The following C16orf92 variants were observed in gnomAD, a reference collection of about 807,000 sequenced individuals.
C16orf92 encodes fertilization-influencing membrane protein.
In C16orf92, 14 loss-of-function variants were observed where a neutral mutation model predicts 13.7. The observed-to-expected ratio is 1.02, with a 90% CI of 0.67 to 1.60. The LOEUF is 1.60. Ranked by LOEUF, C16orf92 falls within the 40% of genes most tolerant of loss-of-function variation. C16orf92 has a pLI of 0.00. For missense variants in C16orf92, 116 were observed against 139.0 expected (o/e 0.83, Z 0.83); for synonymous variants, 50 against 57.4 (o/e 0.87, Z 0.58).
In C16orf92 at chr16:30,023,751, C is replaced by A. The variant is rs113595171; in HGVS notation, c.89C>A (p.Ala30Glu). The A allele has an allele frequency of 1.2e-3, 1,988 of 1,613,984 alleles. 21 individuals are homozygous for A. The African/African-American group carries it at 0.024, about 19-fold the overall frequency. ...GCACCCAGACCCAAGCGTGCCACGG[C>A]GTCAGCCCTGGGGACAGAGTCTCCG... The part of the protein sequence containing the change: ...ETAPRPKRAT[A>E]SALGTESPRF... Residue 30 changes from alanine (A) to glutamate (E), a missense_variant, in exon 2 of 4, where the codon GCG becomes GAG. Ala to Glu is a moderately radical substitution (Grantham distance 107). Transcript: ENST00000681219.
In C16orf92 at chr16:30,023,872, G is replaced by T; in HGVS notation, c.210G>T (p.Val70=). The change falls in exon 2 of 4, where the codon GTG becomes GTT. Residue 70 remains valine (V), a synonymous_variant. Transcript: ENST00000681219. The part of the protein sequence containing the change: ...VAQFIGEKPI[V]FINSGSSPGL... ...AGTTTATTGGAGAGAAACCCATCGT[G>T]TTCATTAACTCAGGTATGAACCAGC... 6.2e-7 allele frequency: 1 copy of T among 1,613,120 alleles called. No homozygotes were observed. The highest frequency in any genetic ancestry group is 8.5e-7 in the Non-Finnish European group (1 of 1,179,078).
downstream of C16orf92, chr16:30,026,819 C>G (rs748443806): frequency 4.3e-5 from 69 of 1,613,868 alleles, 1 homozygote; most frequent in Non-Finnish European, 5.3e-5. Flanking sequence ...CAGCAAATTG[C>G]GTGTAGGCAG....
chr16:30,025,152 G>C, downstream of C16orf92: 1 of 1,336,492 alleles, frequency 7.5e-7, no homozygotes, highest in South Asian at 1.5e-5. This position sits in a 1 kb window ranked among gnomAD's most constrained non-coding sequence, Gnocchi z 4.1. Flanking sequence ...GGGGGTGGGG[G>C]TGGGGAGGGG....
At chr16:30,027,034 C>T (rs2071174808), downstream of C16orf92, 4 of 687,330 alleles carry the variant, frequency 5.8e-6, no homozygotes, top group Non-Finnish European at 1.1e-5. Flanking sequence ...AGAGATGGTG[C>T]TGGGATTCAA....
Position 30,024,608 on chromosome 16 carries a change from C to T in C16orf92, c.*381C>T. 1 of 282,492 alleles carries T rather than the reference C, an allele frequency of 3.5e-6. No homozygotes were observed. Among genetic ancestry groups the T allele is most frequent in the South Asian group, 8.3e-5 (1 of 12,040 alleles). The allele number at this position is 282,492 out of a possible 1,614,324, so 17.5% of individuals were successfully genotyped here. On this transcript the variant is annotated 3_prime_UTR_variant, in exon 4 of 4. Transcript: ENST00000681219. The stretch of plus-strand genomic sequence containing the variant: ...CCTCGCCTGCCCCCGGGGTTGTCAG[C>T]ACTGGGAAGGCTTGGGGGTAGCAGC...
downstream of C16orf92, chr16:30,025,014 C>T (rs2071039218): frequency 1.8e-6 from 1 of 550,634 alleles, no homozygotes; most frequent in Non-Finnish European, 3.1e-6. The surrounding 1 kb of genome is among the most constrained non-coding windows in gnomAD (Gnocchi z 4.1). Flanking sequence ...GGTCCCCTCT[C>T]TCCACCCCCT....
At chr16:30,026,536 G>T, downstream of C16orf92, 1 of 1,356,140 alleles carries the variant, frequency 7.4e-7, no homozygotes, top group Non-Finnish European at 1.0e-6. Context: ...GGGCTTCCCA[G>T]GCTCCTGCCA....
Position 30,024,269 on chromosome 16 carries a change from C to T in C16orf92, c.*42C>T. 3.7e-6 allele frequency: 6 copies of T among 1,602,362 alleles called. No individual in the cohort carries two copies. Among genetic ancestry groups the T allele is most frequent in the Non-Finnish European group, 5.1e-6 (6 of 1,169,978 alleles). ...TCTGGACTCAACCTGAGCACCCACA[C>T]CCACCTCCTCTCCTGTTGATGAGCA... is the stretch of plus-strand genomic sequence containing the variant. On this transcript the variant is annotated 3_prime_UTR_variant, in exon 4 of 4. Coordinates refer to ENST00000681219, the MANE Select transcript of C16orf92 (RefSeq NM_001109659.2).
At chr16:30,023,657 CAGCTTCCGCCTCG>C in intron 1 of C16orf92, 57 bp from the exon 2 acceptor site, 1 of 1,613,638 alleles carries the variant, frequency 6.2e-7, no homozygotes, top group East Asian at 2.2e-5. Flanking sequence ...GGTCCCAAGT[CAGCTTCCGCCTCG>C]AGAGATAAAG....
chr16:30,027,249 G>A, downstream of C16orf92: 1 of 446,936 alleles, frequency 2.2e-6, no homozygotes, highest in Non-Finnish European at 4.5e-6. Flanking sequence ...GGGCGAGAGT[G>A]CTGGAGAGAG....
downstream of C16orf92, among the ~76,000 whole-genome samples, chr16:30,027,359 G>A (rs1437864823): frequency 1.3e-5 from 2 of 152,218 alleles, no homozygotes; most frequent in Non-Finnish European, 1.5e-5. Flanking sequence ...CCCTGTAAAA[G>A]GTAGGTGTGG....
rs1399762864 is a variant in C16orf92 at position 30,023,869 on chromosome 16, C to T, written c.207C>T (p.Ile69=). Residue 69 remains isoleucine (I), a synonymous_variant, in exon 2 of 4, where the codon ATC becomes ATT. Transcript: ENST00000681219. ...AVAQFIGEKP[I]VFINSGSSPG... ...CCCAGTTTATTGGAGAGAAACCCAT[C>T]GTGTTCATTAACTCAGGTATGAACC... The T allele has an allele frequency of 3.7e-6, 6 of 1,613,154 alleles. No individual in the cohort carries two copies. The highest frequency in any genetic ancestry group is 2.2e-5 in the East Asian group (1 of 44,890).
chr16:30,027,061 C>T, downstream of C16orf92: 2 of 667,446 alleles, frequency 3.0e-6, no homozygotes, highest in Non-Finnish European at 5.5e-6. Context: ...GGTCTCAGAA[C>T]TCACCCATGT....
chr16:30,025,371 A>G (rs1203507613), downstream of C16orf92: 3 of 1,606,914 alleles, frequency 1.9e-6, no homozygotes, highest in Non-Finnish European at 2.5e-6. The surrounding 1 kb of genome is among the most constrained non-coding windows in gnomAD (Gnocchi z 4.1). Context: ...CCGTAGGCCC[A>G]GTACAGGTAG....
In C16orf92 at chr16:30,023,246, T is replaced by TCC; in HGVS notation, c.-93_-92dup. The stretch of plus-strand genomic sequence containing the variant: ...ATGAGAGTGAGGGATGGGGGAGGGG[T>TCC]CCCAGCTCCTAGCACTTTCTCCCCT... On this transcript the variant is annotated 5_prime_UTR_variant, in exon 1 of 4. An upstream open reading frame in the 5' UTR gains an earlier in-frame stop. Transcript: ENST00000681219. 2.7e-6 allele frequency: 3 copies of TCC among 1,102,646 alleles called. No homozygotes were observed. Among genetic ancestry groups the TCC allele is most frequent in the Non-Finnish European group, 4.0e-6 (3 of 746,562 alleles). The allele number at this position is 1,102,646 out of a possible 1,614,324, so 68.3% of individuals were successfully genotyped here.
chr16:30,024,335 A>G lies in C16orf92; in HGVS notation c.*108A>G. On this transcript the variant is annotated 3_prime_UTR_variant, in exon 4 of 4. Coordinates refer to ENST00000681219, the MANE Select transcript of C16orf92 (RefSeq NM_001109659.2). ...CCTCCTCCCTGACTGCCCAGCGAGCAGCTGGGGATCCTGTCCCCTCTGTTT... is the reference window on the plus strand; with the variant it reads ...CCTCCTCCCTGACTGCCCAGCGAGCGGCTGGGGATCCTGTCCCCTCTGTTT... 1 of 1,414,082 alleles carries G rather than the reference A, an allele frequency of 7.1e-7. No individual in the cohort carries two copies. Among genetic ancestry groups the G allele is most frequent in the Non-Finnish European group, 9.7e-7 (1 of 1,027,430 alleles). 87.6% of individuals were successfully genotyped at this position (1,414,082 alleles called of 1,614,324 possible). A position where few individuals can be genotyped will look rare whatever the true frequency, so the allele number is the denominator to read the frequency against.
downstream of C16orf92, chr16:30,024,997 G>C: frequency 1.9e-6 from 1 of 533,544 alleles, no homozygotes; most frequent in Non-Finnish European, 3.2e-6. Context: ...GCAGAGTAGG[G>C]GGAAGAGGTC....
At chr16:30,025,608 A>G (rs748123651), downstream of C16orf92, 3 of 1,445,514 alleles carry the variant, frequency 2.1e-6, no homozygotes, top group East Asian at 2.3e-5. The surrounding 1 kb of genome is among the most constrained non-coding windows in gnomAD (Gnocchi z 4.1). Flanking sequence ...GGTGCTCAAA[A>G]TGCACGGGGT....
At chr16:30,025,763 C>A, downstream of C16orf92, 1 of 1,614,168 alleles carries the variant, frequency 6.2e-7, no homozygotes, top group Non-Finnish European at 8.5e-7. The surrounding 1 kb of genome is among the most constrained non-coding windows in gnomAD (Gnocchi z 4.1). Context: ...GAAGGGCGTG[C>A]TGACCTCTGC....
Sources: allele counts gnomAD v4.1 joint callset (sites outside exome capture counted in the v4.1 genomes callset), GRCh38; gene constraint gnomAD v4.1.1; non-coding constraint Gnocchi (gnomAD v3.1); transcripts MANE v1.5; gene names NCBI Gene and HGNC (gene_info 2026-07-23, HGNC 2026-07-21).